Variants in HACD2 observed in about 807,000 individuals in gnomAD.
HACD2 encodes the protein 3-hydroxyacyl-CoA dehydratase 2, also known as very-long-chain (3R)-3-hydroxyacyl-CoA dehydratase 2.
Under a neutral mutation model 31.0 loss-of-function variants are expected in HACD2, and 15 were observed. The ratio of observed to expected loss-of-function variants is 0.48; its 90% CI spans 0.32 to 0.75. The LOEUF (loss-of-function observed/expected upper bound fraction) is 0.75, where lower values mean the gene tolerates loss of function less well. HACD2 is among the 30% of genes least tolerant of loss of function. The pLI is 0.03. For missense variants in HACD2, 283 were observed against 313.0 expected (o/e 0.90, Z 0.72); for synonymous variants, 115 against 122.2 (o/e 0.94, Z 0.39).
At chr3:123,528,582 GA>G (rs2107706976) in intron 3 of HACD2, 108 bp from the exon 4 acceptor site, 2 of 716,156 alleles carry the variant, frequency 2.8e-6, no homozygotes, top group East Asian at 5.4e-5. Flanking sequence ...AAACGGTCTT[GA>G]GCAACTGAAA....
chr3:123,503,517 A>G (rs2055933278), intron 4 of HACD2, among the ~76,000 whole-genome samples: 1 of 152,088 alleles, frequency 6.6e-6, no homozygotes, highest in East Asian at 1.9e-4. Context: ...TGCTGAAAAA[A>G]ACAATAAAGG....
intron 2 of HACD2, among the ~76,000 whole-genome samples, chr3:123,571,103 T>G (rs1170624384): frequency 6.6e-6 from 1 of 152,236 alleles, no homozygotes; most frequent in Non-Finnish European, 1.5e-5. Flanking sequence ...GCTGAAATCC[T>G]TTTCAACTAA....
intron 6 of HACD2, chr3:123,499,597 T>C (rs1442217291): frequency 2.2e-6 from 1 of 455,976 alleles, no homozygotes; most frequent in Non-Finnish European, 4.4e-6. Flanking sequence ...TTCATTCCGA[T>C]GATGCCATGC....
chr3:123,579,885 T>C (rs1274611433), intron 2 of HACD2, among the ~76,000 whole-genome samples: 1 of 152,212 alleles, frequency 6.6e-6, no homozygotes, highest in Non-Finnish European at 1.5e-5. Flanking sequence ...CACTCAAATT[T>C]AGGGTAGTAA....
At chr3:123,523,011 G>A (rs1309724041) in intron 4 of HACD2, among the ~76,000 whole-genome samples, 1 of 152,162 alleles carries the variant, frequency 6.6e-6, no homozygotes, top group Non-Finnish European at 1.5e-5. Flanking sequence ...ATGATACCAC[G>A]TTCACGGATG....
intron 3 of HACD2, among the ~76,000 whole-genome samples, chr3:123,550,294 G>A (rs1251556556): frequency 3.9e-5 from 6 of 152,284 alleles, no homozygotes; most frequent in African/African-American, 7.2e-5. Context: ...TGGTATCTGC[G>A]CAGTGAGGAC....
At chr3:123,568,651 T>C (rs2056820699) in intron 2 of HACD2, among the ~76,000 whole-genome samples, 1 of 152,172 alleles carries the variant, frequency 6.6e-6, no homozygotes. Flanking sequence ...ATCCTTAATA[T>C]AGCAGTGATT....
Position 123,493,435 on chromosome 3 carries a change from A to C in HACD2, c.*1453T>G, listed in dbSNP as rs997330353. 1 of 152,236 alleles carries C rather than the reference A, an allele frequency of 6.6e-6. No individual in the cohort carries two copies. The highest frequency in any genetic ancestry group is 2.4e-5 in the African/African-American group (1 of 41,466). 9.4% of individuals were successfully genotyped at this position (152,236 alleles called of 1,614,324 possible). A position where few individuals can be genotyped will look rare whatever the true frequency, so the allele number is the denominator to read the frequency against. On this transcript the variant is annotated 3_prime_UTR_variant, in exon 7 of 7. Transcript: ENST00000383657. ...TATTTTAAATGACAACTACTCAATA[A>C]GCTAAACTTTTAAACTCTTAAAGTT...
intron 2 of HACD2, among the ~76,000 whole-genome samples, chr3:123,576,129 A>T (rs1164975724): frequency 1.3e-5 from 2 of 152,200 alleles, no homozygotes; most frequent in Non-Finnish European, 2.9e-5. Context: ...TCTGTTCTGC[A>T]ATTCATTTTA....
At chr3:123,548,698 T>C (rs765151650) in intron 3 of HACD2, among the ~76,000 whole-genome samples, 1 of 152,064 alleles carries the variant, frequency 6.6e-6, no homozygotes, top group Non-Finnish European at 1.5e-5. Context: ...CATAGCTCAC[T>C]GCAGCCTCCA....
intron 3 of HACD2, among the ~76,000 whole-genome samples, chr3:123,564,118 G>A (rs948125091): frequency 5.9e-5 from 9 of 152,212 alleles, no homozygotes; most frequent in Admixed American, 2.6e-4. Flanking sequence ...CTGAATGGCT[G>A]GTGGCCGGCG....
chr3:123,563,881 G>A (rs955826545), intron 3 of HACD2, among the ~76,000 whole-genome samples: 6 of 152,188 alleles, frequency 3.9e-5, no homozygotes, highest in African/African-American at 1.4e-4. Context: ...AAGTATTTAA[G>A]AAATGGTGGC....
chr3:123,519,072 AAAAC>A (rs2056182212), intron 4 of HACD2, among the ~76,000 whole-genome samples: 1 of 152,092 alleles, frequency 6.6e-6, no homozygotes, highest in Admixed American at 6.6e-5. Flanking sequence ...GTCCTGCTAA[AAAAC>A]AAACCTTTAT....
rs1215586888 is a variant in HACD2, at chr3:123,492,335, C to CT, written c.*2552dup. 6.6e-6 allele frequency: 1 copy of CT among 152,204 alleles called. No homozygotes were observed. The highest frequency in any genetic ancestry group is 1.5e-5 in the Non-Finnish European group (1 of 68,046). 9.4% of individuals were successfully genotyped at this position (152,204 alleles called of 1,614,324 possible). On this transcript the variant is annotated 3_prime_UTR_variant, in exon 7 of 7. Coordinates refer to ENST00000383657, the MANE Select transcript of HACD2 (RefSeq NM_198402.5). ...ATGCCCTGAAATGAAACCTCTAAGT[C>CT]TGACAAAATACCCACAAAAACATGA... is the stretch of plus-strand genomic sequence containing the variant.
intron 2 of HACD2, among the ~76,000 whole-genome samples, chr3:123,577,841 C>T (rs1213425594): frequency 1.3e-5 from 2 of 152,000 alleles, no homozygotes; most frequent in Non-Finnish European, 2.9e-5. Flanking sequence ...TAGAAAACAC[C>T]CACAACTCAT....
At chr3:123,547,786 C>G (rs1408555830) in intron 3 of HACD2, among the ~76,000 whole-genome samples, 1 of 152,158 alleles carries the variant, frequency 6.6e-6, no homozygotes, top group Admixed American at 6.5e-5. Context: ...AATAACGATA[C>G]TAAAAGTTAA....
chr3:123,557,096 C>T (rs966885951), intron 3 of HACD2, among the ~76,000 whole-genome samples: 4 of 152,172 alleles, frequency 2.6e-5, no homozygotes, highest in African/African-American at 9.6e-5. Flanking sequence ...AACAGGGGTC[C>T]CCAGTCCCTG....
chr3:123,496,076 G>A (rs1285716185), intron 6 of HACD2, among the ~76,000 whole-genome samples: 1 of 152,134 alleles, frequency 6.6e-6, no homozygotes, highest in Non-Finnish European at 1.5e-5. Context: ...ACCCAGGCTG[G>A]TATGCAGTGG....
At chr3:123,507,123 G>C (rs1364938428) in intron 4 of HACD2, among the ~76,000 whole-genome samples, 1 of 152,130 alleles carries the variant, frequency 6.6e-6, no homozygotes, top group Non-Finnish European at 1.5e-5. Context: ...CAGGGTGGTG[G>C]TGCACACCTG....
Sources: gnomAD v4.1 joint callset for allele counts (sites outside exome capture counted in the v4.1 genomes callset) on GRCh38, gnomAD v4.1.1 for gene constraint, MANE v1.5 for transcripts, NCBI Gene and HGNC (gene_info 2026-07-23, HGNC 2026-07-21) for gene names.